KAZN: variants seen among roughly 807,000 people sequenced by gnomAD.
KAZN encodes the protein kazrin, periplakin interacting protein, also known as kazrin.
In KAZN, 40 loss-of-function variants were observed where a neutral mutation model predicts 87.4. The ratio of observed to expected loss-of-function variants is 0.46; its 90% CI spans 0.36 to 0.60. The LOEUF (loss-of-function observed/expected upper bound fraction) is 0.60, where lower values mean the gene tolerates loss of function less well. Among genes scored for constraint, KAZN ranks in the 20% least tolerant of loss-of-function variants. The probability of loss-of-function intolerance (pLI) is 0.00; values close to 1 mark genes in which losing one functional copy is unlikely to be tolerated. For missense variants in KAZN, 898 were observed against 1,073.9 expected (o/e 0.84, Z 2.29); for synonymous variants, 466 against 458.3 (o/e 1.02, Z -0.22).
At chr1:14,963,653 C>G (rs1179188140) in intron 2 of KAZN, among the ~76,000 whole-genome samples, 1 of 152,146 alleles carries the variant, frequency 6.6e-6, no homozygotes, top group Non-Finnish European at 1.5e-5. Flanking sequence ...CCTCTAAGTT[C>G]TGGGTTACAT....
At chr1:14,676,454 A>G (rs1239703846) in intron 1 of KAZN, among the ~76,000 whole-genome samples, 2 of 152,134 alleles carry the variant, frequency 1.3e-5, no homozygotes, top group Non-Finnish European at 2.9e-5. Context: ...CGTCTCTGTG[A>G]TAGAAAAGAT....
chr1:14,751,010 G>A (rs571151442), intron 1 of KAZN, among the ~76,000 whole-genome samples: 4 of 152,310 alleles, frequency 2.6e-5, no homozygotes, highest in East Asian at 1.9e-4. Flanking sequence ...CCCTTGTTAC[G>A]TGGCGACGTC....
chr1:14,080,905 A>G (rs1241202153), intron 1 of KAZN, among the ~76,000 whole-genome samples: 1 of 152,118 alleles, frequency 6.6e-6, no homozygotes, highest in Non-Finnish European at 1.5e-5. Context: ...AAGATACAGA[A>G]AGAACCTTCC....
At chr1:15,101,891 A>T in intron 11 of KAZN, 117 bp downstream of exon 11, 1 of 680,544 alleles carries the variant, frequency 1.5e-6, no homozygotes, top group Admixed American at 2.2e-5. Flanking sequence ...CCACCCATCC[A>T]TCCATCATCC....
intron 2 of KAZN, chr1:14,304,615 T>C (rs753639045): frequency 2.0e-5 from 8 of 398,332 alleles, no homozygotes; most frequent in Non-Finnish European, 3.5e-5. Context: ...ACATGGACAA[T>C]GAATTCATTT....
In KAZN at chr1:14,736,254, G is replaced by GGGGGGTGTGTGT. The variant is rs780407996; in HGVS notation, c.226+137032_226+137033insGGGGTGTGTGTG. ...TGTTGGGGCTCATGTGGGACTCAAG[G>GGGGGGTGTGTGT]GTGTGTGTGTGTGTGTGTGTGTGTG... On this transcript the variant is annotated intron_variant, in intron 1 of 14. Transcript: ENST00000376030. Among the ~76,000 whole-genome samples the GGGGGGTGTGTGT allele has an allele frequency of 6.1e-5, 7 of 115,312 alleles. No homozygotes were observed. The East Asian group carries it at 2.0e-3, about 33-fold the overall frequency. 75.6% of individuals were successfully genotyped at this position (115,312 alleles called of 152,430 possible). A position where few individuals can be genotyped will look rare whatever the true frequency, so the allele number is the denominator to read the frequency against.
chr1:14,993,086 CAAAGTGCTGGG>C lies in KAZN; in HGVS notation c.418+32213_418+32223del, dbSNP rs553998904. On this transcript the variant is annotated intron_variant, in intron 2 of 14. Coordinates refer to ENST00000376030, the MANE Select transcript of KAZN (RefSeq NM_201628.3). ...AAGCAATTTGCCCACCTCGACCTCCCAAAGTGCTGGGATTACAGATGTGAGCCATCGCGCCC... is the reference window on the plus strand; with the variant it reads ...AAGCAATTTGCCCACCTCGACCTCCCATTACAGATGTGAGCCATCGCGCCC... Among the ~76,000 whole-genome samples, 757 of 151,182 alleles carry C rather than the reference CAAAGTGCTGGG, an allele frequency of 5.0e-3. 9 individuals are homozygous for C. Among genetic ancestry groups the C allele is most frequent in the African/African-American group, 0.018 (736 of 41,246 alleles).
intron 2 of KAZN, among the ~76,000 whole-genome samples, chr1:14,478,249 A>AGGAAGGAAGGAAG (rs1553178122): frequency 4.6e-4 from 47 of 101,486 alleles, no homozygotes; most frequent in African/African-American, 2.0e-3. Context: ...AGGAAGGAAA[A>AGGAAGGAAGGAAG]GAAGGAAGGA....
intron 2 of KAZN, among the ~76,000 whole-genome samples, chr1:14,401,026 G>C (rs1011563631): frequency 1.3e-5 from 2 of 152,324 alleles, no homozygotes; most frequent in African/African-American, 4.8e-5. Context: ...AAACAAGGAA[G>C]CATAAATGCT....
At chr1:14,192,981 A>G (rs986709593) in intron 2 of KAZN, among the ~76,000 whole-genome samples, 1 of 152,114 alleles carries the variant, frequency 6.6e-6, no homozygotes, top group African/African-American at 2.4e-5. Context: ...AAATCCCCAT[A>G]ATCCCTGTGT....
intron 1 of KAZN, among the ~76,000 whole-genome samples, chr1:14,905,724 A>G (rs891568766): frequency 2.0e-5 from 3 of 151,278 alleles, no homozygotes; most frequent in Non-Finnish European, 4.4e-5. Flanking sequence ...CGTGCCTGTA[A>G]TCCCGGCTAC....
At chr1:14,422,037 A>T (rs1665462558) in intron 2 of KAZN, among the ~76,000 whole-genome samples, 1 of 152,244 alleles carries the variant, frequency 6.6e-6, no homozygotes, top group Non-Finnish European at 1.5e-5. Flanking sequence ...AGATTTGGAA[A>T]GTCTGTCTTG....
At chr1:14,008,708 G>T (rs1361661824) in intron 1 of KAZN, among the ~76,000 whole-genome samples, 1 of 152,160 alleles carries the variant, frequency 6.6e-6, no homozygotes, top group Non-Finnish European at 1.5e-5. Flanking sequence ...TGTTGATGAG[G>T]ATGGTGGTAC....
At chr1:15,030,147 G>T (rs1175928113) in intron 2 of KAZN, among the ~76,000 whole-genome samples, 1 of 152,210 alleles carries the variant, frequency 6.6e-6, no homozygotes, top group East Asian at 1.9e-4. Context: ...TAGGAGGGCG[G>T]CCAGGATCCC....
intron 1 of KAZN, among the ~76,000 whole-genome samples, chr1:14,690,172 C>T (rs1228785959): frequency 6.6e-6 from 1 of 152,316 alleles, no homozygotes; most frequent in Admixed American, 6.5e-5. Context: ...CACTCCGCCG[C>T]GGCAGTGCTC....
chr1:14,240,025 C>T (rs376704620), intron 2 of KAZN, among the ~76,000 whole-genome samples: 10 of 152,208 alleles, frequency 6.6e-5, no homozygotes, highest in South Asian at 2.1e-4. Context: ...AGGATGTCTA[C>T]GGAGATTTGG....
chr1:14,832,277 C>G (rs111453431), intron 1 of KAZN, among the ~76,000 whole-genome samples: 12 of 152,042 alleles, frequency 7.9e-5, no homozygotes, highest in African/African-American at 2.9e-4. Context: ...CACCCCACAC[C>G]CCCCACGTCT....
At chr1:14,141,967 T>TC (rs397744430) in intron 1 of KAZN, among the ~76,000 whole-genome samples, 98 of 151,996 alleles carry the variant, frequency 6.4e-4, no homozygotes, top group Admixed American at 2.3e-3. Flanking sequence ...TGATATTTTT[T>TC]CCCCTCATTA....
rs189945967 is a variant in KAZN at position 15,016,118 on chromosome 1, T to C, written c.419-18631T>C. On this transcript the variant is annotated intron_variant, in intron 2 of 14. Transcript: ENST00000376030. Reference sequence around the variant, plus strand: ...GGAAGAGAAGAGAAGAGAGGAGCACTGAGGGGAGAAGGTGATGAGAAGACA... The same window carrying C: ...GGAAGAGAAGAGAAGAGAGGAGCACCGAGGGGAGAAGGTGATGAGAAGACA... 9.2e-5 allele frequency among the ~76,000 whole-genome samples: 14 copies of C among 152,186 alleles called. No homozygotes were observed. In the East Asian group the frequency reaches 2.5e-3, roughly 27 times the overall value.
Sources: gnomAD v4.1 joint callset for allele counts (sites outside exome capture counted in the v4.1 genomes callset) on GRCh38, gnomAD v4.1.1 for gene constraint, MANE v1.5 for transcripts, NCBI Gene and HGNC (gene_info 2026-07-23, HGNC 2026-07-21) for gene names.